RNF144A: variants seen among roughly 807,000 people sequenced by gnomAD.
RNF144A encodes the protein ring finger protein 144A.
A neutral mutation model predicts 38.7 loss-of-function variants in RNF144A; 11 were observed. The ratio of observed to expected loss-of-function variants is 0.28; its 90% CI spans 0.18 to 0.47. The LOEUF is 0.47. Ranked by LOEUF, RNF144A falls within the 20% of genes least tolerant of loss-of-function variation. The pLI is 0.99. For missense variants in RNF144A, 316 were observed against 377.2 expected (o/e 0.84, Z 1.34); for synonymous variants, 149 against 143.9 (o/e 1.04, Z -0.25).
intron 7 of RNF144A, among the ~76,000 whole-genome samples, chr2:7,027,021 A>C (rs891064747): frequency 5.3e-5 from 8 of 152,236 alleles, no homozygotes; most frequent in Admixed American, 5.2e-4. Context: ...ACAGTGATTT[A>C]CGACAAGCAC....
chr2:6,942,525 A>G (rs1474897596), intron 2 of RNF144A, among the ~76,000 whole-genome samples: 2 of 152,236 alleles, frequency 1.3e-5, no homozygotes, highest in Admixed American at 1.3e-4. Flanking sequence ...CACATTCTGG[A>G]TAGTCTGAAG....
chr2:7,054,836 T>G (rs1673669082), intron 6 of RNF144A, among the ~76,000 whole-genome samples: 1 of 152,228 alleles, frequency 6.6e-6, no homozygotes. Context: ...TATTTTGTTA[T>G]AGCCGTACAA....
chr2:7,033,653 G>A (rs879337195), intron 8 of RNF144A, among the ~76,000 whole-genome samples: 4 of 152,076 alleles, frequency 2.6e-5, no homozygotes, highest in African/African-American at 4.8e-5. Flanking sequence ...GACCTCCTCC[G>A]TGAAGTCTCT....
intron 1 of RNF144A, chr2:6,918,735 G>A (rs1572177097): frequency 8.7e-6 from 1 of 115,256 alleles, no homozygotes; most frequent in Non-Finnish European, 1.6e-5. Flanking sequence ...CAGCACTCCC[G>A]CCTGGGCGAC....
In RNF144A at chr2:6,958,880, G is replaced by A. The variant is rs1408372486; in HGVS notation, c.-12+17733G>A. 6.6e-6 allele frequency among the ~76,000 whole-genome samples: 1 copy of A among 152,148 alleles called. No homozygotes were observed. Among genetic ancestry groups the A allele is most frequent in the African/African-American group, 2.4e-5 (1 of 41,446 alleles). On this transcript the variant is annotated intron_variant, in intron 2 of 8. Coordinates refer to ENST00000320892, the MANE Select transcript of RNF144A (RefSeq NM_014746.6). The surrounding 1 kb of genome is among the most constrained non-coding windows in gnomAD (Gnocchi z 4.5). ...AAAGGAGCTTGGACACTATTCCAAA[G>A]CTTCTCTTTTACCCAATGGCTCCCT... is the stretch of plus-strand genomic sequence containing the variant.
intron 6 of RNF144A, among the ~76,000 whole-genome samples, chr2:7,065,882 A>C (rs1674193187): frequency 6.6e-6 from 1 of 152,216 alleles, no homozygotes; most frequent in Admixed American, 6.5e-5. Context: ...AGATCACACC[A>C]GCGGACTGGG....
At chr2:7,049,105 G>T (rs2103471810), downstream of RNF144A, among the ~76,000 whole-genome samples, 1 of 152,352 alleles carries the variant, frequency 6.6e-6, no homozygotes, top group South Asian at 2.1e-4. Context: ...GGAAGGCAGG[G>T]CCTGGGGAGG....
At chr2:7,023,517 A>C (rs571439667) in intron 6 of RNF144A, among the ~76,000 whole-genome samples, 1 of 152,304 alleles carries the variant, frequency 6.6e-6, no homozygotes, top group East Asian at 1.9e-4. Flanking sequence ...ATGGACCCCC[A>C]TAATCAGTGA....
At chr2:7,053,752 G>A (rs1673617800) in intron 6 of RNF144A, among the ~76,000 whole-genome samples, 1 of 152,224 alleles carries the variant, frequency 6.6e-6, no homozygotes, top group South Asian at 2.1e-4. Context: ...GAATTAGGCT[G>A]AGCAGATACC....
intron 8 of RNF144A, among the ~76,000 whole-genome samples, chr2:7,034,773 G>T (rs1469805239): frequency 6.6e-6 from 1 of 152,226 alleles, no homozygotes; most frequent in Non-Finnish European, 1.5e-5. Flanking sequence ...CCTAAATACT[G>T]GATGTTGCAG....
chr2:6,929,210 G>A (rs1030132269), intron 1 of RNF144A, among the ~76,000 whole-genome samples: 17 of 152,178 alleles, frequency 1.1e-4, no homozygotes, highest in African/African-American at 3.4e-4. Flanking sequence ...TTAACCTGAT[G>A]TGAGGGTACT....
Position 7,039,699 on chromosome 2 carries a change from C to T in RNF144A, c.818C>T (p.Pro273Leu). The T allele has an allele frequency of 6.2e-7, 1 of 1,614,090 alleles. No homozygotes were observed. The highest frequency in any genetic ancestry group is 1.3e-5 in the African/African-American group (1 of 75,036). ...VASPFLLLAT[P>L]FVLCCKCKCS... ...TCACCTTTCCTACTCCTGGCCACTC[C>T]CTTTGTACTTTGCTGCAAGTGCAAG... Residue 273 changes from proline (P) to leucine (L), a missense_variant, in exon 9 of 9, where the codon CCC becomes CTC. Coordinates refer to ENST00000320892, the MANE Select transcript of RNF144A (RefSeq NM_014746.6).
At position 7,042,607 on chromosome 2, in the gene RNF144A, G is replaced by A; in HGVS notation, c.*2847G>A. 1 of 985,548 alleles carries A rather than the reference G, an allele frequency of 1.0e-6. No individual in the cohort carries two copies. Among genetic ancestry groups the A allele is most frequent in the Non-Finnish European group, 1.2e-6 (1 of 830,046 alleles). 61.1% of individuals were successfully genotyped at this position (985,548 alleles called of 1,614,324 possible). A position where few individuals can be genotyped will look rare whatever the true frequency, so the allele number is the denominator to read the frequency against. On this transcript the variant is annotated 3_prime_UTR_variant, in exon 9 of 9. Coordinates refer to ENST00000320892, the MANE Select transcript of RNF144A (RefSeq NM_014746.6). ...CTTGAGTAACTGACCACATTTGGAG[G>A]TTTTGCTGGAAATGCCTGACCTCTC...
chr2:6,920,081 A>C (rs1664435612), intron 1 of RNF144A, among the ~76,000 whole-genome samples: 1 of 152,206 alleles, frequency 6.6e-6, no homozygotes, highest in South Asian at 2.1e-4. Flanking sequence ...GCTGAGGTTC[A>C]GGGGTAGAAG....
chr2:7,026,826 G>A (rs1425967672), intron 7 of RNF144A, among the ~76,000 whole-genome samples: 2 of 152,146 alleles, frequency 1.3e-5, no homozygotes, highest in Non-Finnish European at 2.9e-5. Context: ...CCCTAAAGCA[G>A]GTTCCGCCCC....
intron 6 of RNF144A, among the ~76,000 whole-genome samples, chr2:7,022,879 C>A (rs565435247): frequency 1.3e-5 from 2 of 152,290 alleles, no homozygotes; most frequent in East Asian, 3.9e-4. Context: ...TTCTGCATGA[C>A]CAGGTTGGTC....
At chr2:7,021,101 G>C (rs1490527589) in intron 6 of RNF144A, among the ~76,000 whole-genome samples, 1 of 152,156 alleles carries the variant, frequency 6.6e-6, no homozygotes, top group Admixed American at 6.5e-5. Flanking sequence ...CTGTCTGGAG[G>C]GGGATGGGGA....
chr2:6,927,753 A>G (rs1377291159), intron 1 of RNF144A, among the ~76,000 whole-genome samples: 3 of 152,242 alleles, frequency 2.0e-5, no homozygotes, highest in Admixed American at 1.3e-4. Context: ...GTATGTTGAG[A>G]TGATTATATT....
At chr2:7,035,817 T>C (rs1311429170) in intron 8 of RNF144A, among the ~76,000 whole-genome samples, 1 of 152,238 alleles carries the variant, frequency 6.6e-6, no homozygotes, top group Non-Finnish European at 1.5e-5. Context: ...AGGTTTTATA[T>C]GCCACTTGCA....
Sources: allele counts gnomAD v4.1 joint callset (sites outside exome capture counted in the v4.1 genomes callset), GRCh38; gene constraint gnomAD v4.1.1; non-coding constraint Gnocchi (gnomAD v3.1); transcripts MANE v1.5; gene names NCBI Gene and HGNC (gene_info 2026-07-23, HGNC 2026-07-21).